Variants in SGPP2 observed in about 807,000 individuals in gnomAD.
SGPP2 encodes sphingosine 1-phosphate phosphohydrolase 2.
SGPP2 carries 30 observed loss-of-function variants against 33.9 expected under a neutral mutation model. The observed-to-expected ratio is 0.89, with a 90% CI of 0.66 to 1.20. The LOEUF (loss-of-function observed/expected upper bound fraction) is 1.20, where lower values mean the gene tolerates loss of function less well. SGPP2 is among the 50% of genes most tolerant of loss of function. The probability of loss-of-function intolerance (pLI) is 0.00; values close to 1 mark genes in which losing one functional copy is unlikely to be tolerated. For synonymous variants in SGPP2, 233 were observed against 225.0 expected (o/e 1.04, Z -0.32); for missense variants, 458 against 532.1 (o/e 0.86, Z 1.37).
chr2:222,555,789 A>G (rs373481132), intron 4 of SGPP2, among the ~76,000 whole-genome samples: 1 of 152,250 alleles, frequency 6.6e-6, no homozygotes, highest in South Asian at 2.1e-4. Context: ...GGTAACATTA[A>G]TAAAAGCTGA....
chr2:222,485,165 T>G (rs1698086384), intron 2 of SGPP2, among the ~76,000 whole-genome samples: 1 of 152,214 alleles, frequency 6.6e-6, no homozygotes, highest in Non-Finnish European at 1.5e-5. Context: ...CACTGCGCCA[T>G]GTTGCCTCAG....
intron 2 of SGPP2, among the ~76,000 whole-genome samples, chr2:222,484,207 C>A (rs747687618): frequency 6.6e-6 from 1 of 152,154 alleles, no homozygotes; most frequent in Non-Finnish European, 1.5e-5. Flanking sequence ...AAAAATGATT[C>A]TCTTTTTTTA....
chr2:222,552,728 T>C (rs929383087), intron 4 of SGPP2, among the ~76,000 whole-genome samples: 1 of 151,962 alleles, frequency 6.6e-6, no homozygotes. Flanking sequence ...GGCATGGTGG[T>C]GCATGCCTGA....
At chr2:222,552,293 T>A (rs910593984) in intron 4 of SGPP2, among the ~76,000 whole-genome samples, 1 of 152,242 alleles carries the variant, frequency 6.6e-6, no homozygotes, top group South Asian at 2.1e-4. Flanking sequence ...CACACTGTTT[T>A]CCATAGTGGT....
chr2:222,509,076 AAT>A (rs1165464038), intron 2 of SGPP2, among the ~76,000 whole-genome samples: 1 of 152,168 alleles, frequency 6.6e-6, no homozygotes, highest in Non-Finnish European at 1.5e-5. Flanking sequence ...AATTGCTTTT[AAT>A]TCACTCCCAG....
rs3076774 is a variant in SGPP2 at position 222,561,837 on chromosome 2, G to GAAAAA, written c.*2940_*2944dup. On this transcript the variant is annotated 3_prime_UTR_variant, in exon 5 of 5. Transcript: ENST00000321276. Reference sequence around the variant, plus strand: ...GAATCAGACAAAAATTCATCGGGGTGAAAAAGGCATTACCTGATTCACACC... The same window carrying GAAAAA: ...GAATCAGACAAAAATTCATCGGGGTGAAAAAAAAAAGGCATTACCTGATTCACACC... Among the ~76,000 whole-genome samples, 129,466 of 150,330 alleles carry GAAAAA rather than the reference G, an allele frequency of 0.86. 55,941 individuals are homozygous for GAAAAA. Among genetic ancestry groups the GAAAAA allele is most frequent in the East Asian group, 0.97 (4,937 of 5,090 alleles).
At chr2:222,489,373 C>T (rs532848530) in intron 2 of SGPP2, among the ~76,000 whole-genome samples, 1 of 150,468 alleles carries the variant, frequency 6.6e-6, no homozygotes, top group South Asian at 2.1e-4. Context: ...TTTCTGTAGC[C>T]AGCAAGGACT....
At chr2:222,462,099 A>G (rs529635942) in intron 1 of SGPP2, among the ~76,000 whole-genome samples, 4 of 152,242 alleles carry the variant, frequency 2.6e-5, no homozygotes, top group African/African-American at 9.6e-5. Flanking sequence ...CTTAAAGCGT[A>G]TGCTTGAAGC....
In SGPP2 at chr2:222,474,660, G is replaced by A. The variant is rs149343816; in HGVS notation, c.312G>A (p.Thr104=). The A allele has an allele frequency of 4.8e-5, 77 of 1,613,728 alleles. No individual in the cohort carries two copies. The African/African-American group carries it at 6.8e-4, about 14-fold the overall frequency. Residue 104 remains threonine (T), a synonymous_variant, in exon 2 of 5, where the codon ACG becomes ACA. Coordinates refer to ENST00000321276, the MANE Select transcript of SGPP2 (RefSeq NM_152386.4). ...AALGQEVFYI[T]FLPFTHWNID... ...TGGGCCAAGAAGTGTTCTACATCAC[G>A]TTTCTTCCATTCACTCACTGGAATA...
chr2:222,544,134 G>C (rs1161934390), intron 4 of SGPP2, among the ~76,000 whole-genome samples: 22 of 152,170 alleles, frequency 1.4e-4, no homozygotes, highest in Non-Finnish European at 1.3e-4. Flanking sequence ...AGAAAACTAA[G>C]GAGGCACTAT....
At chr2:222,434,064 C>A (rs1697198509) in intron 1 of SGPP2, among the ~76,000 whole-genome samples, 1 of 152,148 alleles carries the variant, frequency 6.6e-6, no homozygotes, top group African/African-American at 2.4e-5. Flanking sequence ...TGCATTTTAT[C>A]CAGCAGGAGA....
At position 222,558,687 on chromosome 2, in the gene SGPP2, T is replaced by A. The variant is rs767524004; in HGVS notation, c.989T>A (p.Val330Glu). 2 of 1,614,202 alleles carry A rather than the reference T, an allele frequency of 1.2e-6. No individual in the cohort carries two copies. Among genetic ancestry groups the A allele is most frequent in the Non-Finnish European group, 1.7e-6 (2 of 1,180,032 alleles). Reference sequence around the variant, plus strand: ...GTTTTGGGTCTGACCAAATTTGCAGTGGGAATTGTGTTGATCCTCTTGGTT... The same window carrying A: ...GTTTTGGGTCTGACCAAATTTGCAGAGGGAATTGTGTTGATCCTCTTGGTT... ...MLVLGLTKFA[V>E]GIVLILLVRQ... The change falls in exon 5 of 5, where the codon GTG becomes GAG. Residue 330 changes from valine (V) to glutamate (E), a missense_variant. Transcript: ENST00000321276.
intron 3 of SGPP2, among the ~76,000 whole-genome samples, chr2:222,523,075 GA>G (rs1698710423): frequency 6.6e-6 from 1 of 152,186 alleles, no homozygotes; most frequent in East Asian, 1.9e-4. Flanking sequence ...GAAGCCCAGG[GA>G]TGTTCCATAT....
intron 4 of SGPP2, among the ~76,000 whole-genome samples, chr2:222,530,227 A>G (rs1455186171): frequency 6.6e-6 from 1 of 152,178 alleles, no homozygotes; most frequent in Admixed American, 6.5e-5. Flanking sequence ...AGAATGGTAA[A>G]TGGCCATTGG....
intron 1 of SGPP2, among the ~76,000 whole-genome samples, chr2:222,440,411 C>T (rs1697307518): frequency 6.6e-6 from 1 of 151,570 alleles, no homozygotes. Flanking sequence ...GGTGCAACCT[C>T]AGCTCACTAC....
chr2:222,466,546 C>G (rs1170462283), intron 1 of SGPP2, among the ~76,000 whole-genome samples: 1 of 152,190 alleles, frequency 6.6e-6, no homozygotes, highest in East Asian at 1.9e-4. Context: ...GCGTGAGCCA[C>G]TGTGCCCAGC....
chr2:222,424,272 T>TG (rs987062329), upstream of SGPP2, among the ~76,000 whole-genome samples: 22 of 30,850 alleles, frequency 7.1e-4, no homozygotes, highest in South Asian at 0.02. Context: ...GAAGGTGGGG[T>TG]GGGGGGTTGG....
intron 1 of SGPP2, among the ~76,000 whole-genome samples, chr2:222,461,865 C>T (rs1437257421): frequency 6.6e-6 from 1 of 152,074 alleles, no homozygotes; most frequent in Non-Finnish European, 1.5e-5. Context: ...TGTTCATATT[C>T]GTTTATCTCA....
At chr2:222,459,410 A>T (rs1207506087) in intron 1 of SGPP2, among the ~76,000 whole-genome samples, 1 of 152,052 alleles carries the variant, frequency 6.6e-6, no homozygotes, top group Non-Finnish European at 1.5e-5. Flanking sequence ...TCGGCCTCCC[A>T]AAGTGCTGAG....
Sources: allele counts gnomAD v4.1 joint callset (sites outside exome capture counted in the v4.1 genomes callset), GRCh38; gene constraint gnomAD v4.1.1; transcripts MANE v1.5; gene names NCBI Gene and HGNC (gene_info 2026-07-23, HGNC 2026-07-21).